The following ATR variants were observed in gnomAD, a reference collection of about 807,000 sequenced individuals.
The protein encoded by ATR is ATR checkpoint kinase.
ATR carries 142 observed loss-of-function variants against 305.3 expected under a neutral mutation model. That is an observed-to-expected ratio of 0.47 (90% CI 0.41 to 0.53). The LOEUF (loss-of-function observed/expected upper bound fraction) is 0.53. ATR is among the 20% of genes least tolerant of loss of function. The pLI is 0.00. For missense variants in ATR, 2,135 were observed against 3,133.1 expected (o/e 0.68, Z 7.60); for synonymous variants, 1,050 against 1,068.1 (o/e 0.98, Z 0.33).
chr3:142,519,051 T>C (rs1181654948), intron 24 of ATR, among the ~76,000 whole-genome samples: 5 of 152,156 alleles, frequency 3.3e-5, no homozygotes. Context: ...CTTATACCTA[T>C]CAAAGAATTC....
chr3:142,562,617 G>C lies in ATR; in HGVS notation c.785C>G (p.Pro262Arg), dbSNP rs1382430398. Residue 262 changes from proline (P) to arginine (R), a missense_variant, in exon 4 of 47, where the codon CCA becomes CGA. Physicochemically the swap from Pro to Arg is moderately radical, Grantham distance 103 (BLOSUM62 -2). Coordinates refer to ENST00000350721, the MANE Select transcript of ATR (RefSeq NM_001184.4). ...GAAAAAAGTGCTAGCTGGTTGTGCT[G>C]GTAGTCCTCCAAGCTGAAAAAGTTC... ...LTELFQLGGL[P>R]AQPASTFFSS... 6.2e-7 allele frequency: 1 copy of C among 1,614,010 alleles called. No homozygotes were observed. Among genetic ancestry groups the C allele is most frequent in the Non-Finnish European group, 8.5e-7 (1 of 1,179,966 alleles).
intron 36 of ATR, among the ~76,000 whole-genome samples, chr3:142,477,836 C>G (rs959302583): frequency 5.3e-5 from 8 of 152,056 alleles, no homozygotes; most frequent in African/African-American, 1.9e-4. Flanking sequence ...TGTATGTGTC[C>G]AGGAATTTAT....
At position 142,499,694 on chromosome 3, in the gene ATR, G is replaced by A. The variant is rs1559941155; in HGVS notation, c.5313C>T (p.Asn1771=). The change falls in exon 31 of 47, where the codon AAC becomes AAT. Residue 1771 remains asparagine, a synonymous_variant. Coordinates refer to ENST00000350721, the MANE Select transcript of ATR (RefSeq NM_001184.4). The part of the protein sequence containing the change: ...ANRSEWTDEL[N]TYRVEAAWKL... ...TCCAAGCTGCTTCCACTCTGTACGT[G>A]TTTAATTCATCTGTCCACTCGGACC... is the stretch of plus-strand genomic sequence containing the variant. 2 of 1,613,930 alleles carry A rather than the reference G, an allele frequency of 1.2e-6. No individual in the cohort carries two copies. The highest frequency in any genetic ancestry group is 1.7e-6 in the Non-Finnish European group (2 of 1,179,986).
chr3:142,486,131 T>C (rs770647647), intron 35 of ATR, among the ~76,000 whole-genome samples: 3 of 152,250 alleles, frequency 2.0e-5, no homozygotes, highest in Non-Finnish European at 4.4e-5. Flanking sequence ...ATTTTTAATA[T>C]TACATGAAAT....
intron 8 of ATR, among the ~76,000 whole-genome samples, chr3:142,557,468 A>C: frequency 6.6e-6 from 1 of 152,188 alleles, no homozygotes; most frequent in Non-Finnish European, 1.5e-5. Context: ...AAGTCTCATA[A>C]AGATAGTGTT....
At chr3:142,491,563 A>G (rs73864544) in intron 35 of ATR, among the ~76,000 whole-genome samples, 4,816 of 152,290 alleles carry the variant, frequency 0.032, 240 homozygotes, top group African/African-American at 0.11. Context: ...ATAAATTCAG[A>G]AGATCTCTCT....
At chr3:142,538,361 G>A in intron 19 of ATR, 121 bp downstream of exon 19, 1 of 1,085,822 alleles carries the variant, frequency 9.2e-7, no homozygotes, top group Non-Finnish European at 1.3e-6. Context: ...AATTACTTTT[G>A]TTTATTGATA....
Position 142,513,859 on chromosome 3 carries a change from A to AT in ATR, c.4504-222dup, listed in dbSNP as rs536448175. On this transcript the variant is annotated intron_variant, in intron 25 of 46. Transcript: ENST00000350721. ...GTTGAACTCATAAAATTTTAAAGAG[A>AT]TTTTTTCTTCAAATACAAAGCCAAA... Among the ~76,000 whole-genome samples the AT allele has an allele frequency of 3.3e-3, 501 of 152,124 alleles. 1 individual carries two copies. The highest frequency in any genetic ancestry group is 0.011 in the African/African-American group (455 of 41,518).
chr3:142,520,631 C>A (rs947057810), intron 23 of ATR, among the ~76,000 whole-genome samples: 125 of 152,064 alleles, frequency 8.2e-4, no homozygotes, highest in African/African-American at 2.8e-3. Context: ...AGCCCTAGTT[C>A]TCTCCAATTC....
intron 16 of ATR, among the ~76,000 whole-genome samples, chr3:142,544,394 G>GTGGGC (rs1307570015): frequency 2.2e-5 from 3 of 133,502 alleles, no homozygotes; most frequent in African/African-American, 8.3e-5. Flanking sequence ...AGAGGTTGCA[G>GTGGGC]TGGGCTGAGA....
intron 21 of ATR, among the ~76,000 whole-genome samples, chr3:142,533,492 T>C (rs924240526): frequency 2.0e-5 from 3 of 152,194 alleles, no homozygotes; most frequent in Admixed American, 6.5e-5. Context: ...TTCAATTGTA[T>C]TCAACTTTAA....
At chr3:142,523,171 C>T (rs994775549) in intron 22 of ATR, among the ~76,000 whole-genome samples, 5 of 152,090 alleles carry the variant, frequency 3.3e-5, no homozygotes, top group Admixed American at 2.6e-4. Flanking sequence ...GCTCTAATTC[C>T]AGCATTCTGG....
At chr3:142,529,643 T>C (rs891019771) in intron 21 of ATR, among the ~76,000 whole-genome samples, 7 of 152,150 alleles carry the variant, frequency 4.6e-5, no homozygotes, top group Non-Finnish European at 8.8e-5. Context: ...TCAATTCTTG[T>C]AGGTTTAAAA....
chr3:142,470,942 CAT>C (rs1222871826), intron 36 of ATR, among the ~76,000 whole-genome samples: 4 of 152,122 alleles, frequency 2.6e-5, no homozygotes, highest in African/African-American at 9.7e-5. Flanking sequence ...ACATACATAA[CAT>C]AAAATTTGCC....
At chr3:142,454,605 C>G (rs890400004) in intron 45 of ATR, among the ~76,000 whole-genome samples, 3 of 151,656 alleles carry the variant, frequency 2.0e-5, no homozygotes, top group Non-Finnish European at 4.4e-5. Flanking sequence ...CCTCGCCCGG[C>G]TAATTTTTTG....
At position 142,538,633 on chromosome 3, in the gene ATR, A is replaced by C. The variant is rs779932477; in HGVS notation, c.3582-8T>G. The C allele has an allele frequency of 1.2e-6, 2 of 1,613,294 alleles. No homozygotes were observed. Among genetic ancestry groups the C allele is most frequent in the Admixed American group, 3.3e-5 (2 of 59,920 alleles). ...ACAAAGCAGTCCCAAGCTCTATGTG[A>C]AAAAACAAATAGAAATGAAGTCCAA... On this transcript the variant is annotated splice_polypyrimidine_tract_variant and splice_region_variant and intron_variant, in intron 18 of 46. Transcript: ENST00000350721.
chr3:142,540,936 T>C lies in ATR; in HGVS notation c.3549A>G (p.Arg1183=), dbSNP rs754976013. Reference sequence around the variant, plus strand: ...ACAATTCAGGAAAATCATCCTTGAATCGAAGGCCAGTTCTCAGTGTGGTCA... The same window carrying C: ...ACAATTCAGGAAAATCATCCTTGAACCGAAGGCCAGTTCTCAGTGTGGTCA... The part of the protein sequence containing the change: ...KMMTTLRTGL[R]FKDDFPELCC... The change falls in exon 18 of 47, where the codon CGA becomes CGG. Residue 1183 remains arginine (R), a synonymous_variant. Transcript: ENST00000350721. 7.4e-6 allele frequency: 12 copies of C among 1,613,076 alleles called. No individual in the cohort carries two copies. The highest frequency in any genetic ancestry group is 5.0e-5 in the Admixed American group (3 of 59,864).
chr3:142,544,103 T>A (rs543990210), intron 16 of ATR, among the ~76,000 whole-genome samples: 1 of 152,152 alleles, frequency 6.6e-6, no homozygotes, highest in African/African-American at 2.4e-5. Context: ...TTCTTCCAAG[T>A]TTGTAAAATG....
chr3:142,462,594 G>A (rs759750770), intron 41 of ATR, among the ~76,000 whole-genome samples: 5 of 151,374 alleles, frequency 3.3e-5, no homozygotes, highest in African/African-American at 9.7e-5. Context: ...TCAGCCTCCC[G>A]AGTAGGTGGG....
Sources: gnomAD v4.1 joint callset for allele counts (sites outside exome capture counted in the v4.1 genomes callset) on GRCh38, gnomAD v4.1.1 for gene constraint, MANE v1.5 for transcripts, NCBI Gene and HGNC (gene_info 2026-07-23, HGNC 2026-07-21) for gene names.